Variants in CDKAL1 observed in about 807,000 individuals in gnomAD.
CDKAL1 encodes CDKAL1 threonylcarbamoyladenosine tRNA methylthiotransferase, also known as threonylcarbamoyladenosine tRNA methylthiotransferase.
A neutral mutation model predicts 68.2 loss-of-function variants in CDKAL1; 32 were observed. The observed-to-expected ratio is 0.47, with a 90% confidence interval of 0.35 to 0.63. The LOEUF is 0.63. Among genes scored for constraint, CDKAL1 ranks in the 30% least tolerant of loss-of-function variants. The pLI is 0.00. For synonymous variants in CDKAL1, 234 were observed against 244.3 expected (o/e 0.96, Z 0.39); for missense variants, 606 against 696.7 (o/e 0.87, Z 1.47).
chr6:21,161,851 T>C (rs1329837589), intron 13 of CDKAL1, among the ~76,000 whole-genome samples: 1 of 152,162 alleles, frequency 6.6e-6, no homozygotes, highest in East Asian at 1.9e-4. Context: ...GGCTCATAAT[T>C]GTTGTCATTT....
chr6:20,535,782 G>A (rs1411149167), intron 2 of CDKAL1, among the ~76,000 whole-genome samples: 4 of 151,912 alleles, frequency 2.6e-5, no homozygotes, highest in African/African-American at 9.7e-5. Flanking sequence ...TTCCCCTCTG[G>A]GTGATGTAAT....
intron 13 of CDKAL1, among the ~76,000 whole-genome samples, chr6:21,115,084 C>T (rs776799152): frequency 1.8e-4 from 27 of 152,292 alleles, no homozygotes; most frequent in Admixed American, 5.9e-4. Flanking sequence ...AAAGACTAGG[C>T]ATCTCTGTGA....
At chr6:21,183,083 C>T (rs958504548) in intron 13 of CDKAL1, among the ~76,000 whole-genome samples, 3 of 150,934 alleles carry the variant, frequency 2.0e-5, no homozygotes, top group African/African-American at 7.3e-5. Flanking sequence ...ACAGCCTTAA[C>T]TCTTTCAAGC....
At chr6:20,865,631 T>TAA (rs5874790) in intron 9 of CDKAL1, among the ~76,000 whole-genome samples, 42,682 of 150,658 alleles carry the variant, frequency 0.28, 7,166 homozygotes, top group East Asian at 0.37. Context: ...GCTGAAATTG[T>TAA]AAAAAAAAAA....
chr6:20,667,788 A>G (rs1017853490), intron 5 of CDKAL1, among the ~76,000 whole-genome samples: 1 of 152,138 alleles, frequency 6.6e-6, no homozygotes, highest in Non-Finnish European at 1.5e-5. Flanking sequence ...ATTTTAGACT[A>G]ATAGCAAAAT....
rs891563004 is a variant in CDKAL1, at chr6:21,143,325, G to GT, written c.1299+34870dup. On this transcript the variant is annotated intron_variant, in intron 13 of 15. Coordinates refer to ENST00000274695, the MANE Select transcript of CDKAL1 (RefSeq NM_017774.3). Reference sequence around the variant, plus strand: ...CTCTCAACGTTTCTCTAGTCTGTAGGTTTTTTTTCTTTTCCATGTAAGTGT... The same window carrying GT: ...CTCTCAACGTTTCTCTAGTCTGTAGGTTTTTTTTTCTTTTCCATGTAAGTGT... 3.9e-4 allele frequency among the ~76,000 whole-genome samples: 60 copies of GT among 152,070 alleles called. 1 individual carries two copies. The highest frequency in any genetic ancestry group is 1.1e-3 in the African/African-American group (45 of 41,482).
At chr6:20,883,460 G>T (rs1561855794) in intron 9 of CDKAL1, among the ~76,000 whole-genome samples, 2 of 152,126 alleles carry the variant, frequency 1.3e-5, no homozygotes, top group Admixed American at 6.5e-5. Context: ...GGATATAATG[G>T]GCTGTTCCTC....
At chr6:20,664,844 G>A (rs551055320) in intron 5 of CDKAL1, among the ~76,000 whole-genome samples, 2 of 152,176 alleles carry the variant, frequency 1.3e-5, no homozygotes, top group African/African-American at 2.4e-5. Flanking sequence ...TACCAACTTG[G>A]TAATCGGTAA....
chr6:20,931,394 A>G (rs1763452437), intron 9 of CDKAL1, among the ~76,000 whole-genome samples: 1 of 152,192 alleles, frequency 6.6e-6, no homozygotes, highest in African/African-American at 2.4e-5. Flanking sequence ...TACAAATAAG[A>G]CATAGGAGAT....
chr6:20,635,685 C>T (rs896152115), intron 4 of CDKAL1, among the ~76,000 whole-genome samples: 15 of 152,146 alleles, frequency 9.9e-5, no homozygotes, highest in Admixed American at 9.2e-4. Flanking sequence ...GTGGGTCTCC[C>T]CAGCCCTTAG....
chr6:20,823,235 G>T (rs1487194063), intron 8 of CDKAL1, among the ~76,000 whole-genome samples: 1 of 152,020 alleles, frequency 6.6e-6, no homozygotes, highest in Non-Finnish European at 1.5e-5. Flanking sequence ...GGCTTTTCTG[G>T]TTCCAGTTAT....
At chr6:20,716,220 C>T (rs186947602) in intron 5 of CDKAL1, among the ~76,000 whole-genome samples, 5 of 152,168 alleles carry the variant, frequency 3.3e-5, no homozygotes, top group African/African-American at 1.2e-4. Flanking sequence ...AACAGGATTT[C>T]AGGTTTGATA....
At chr6:20,898,477 T>G (rs1471196149) in intron 9 of CDKAL1, among the ~76,000 whole-genome samples, 1 of 150,432 alleles carries the variant, frequency 6.6e-6, no homozygotes, top group East Asian at 1.9e-4. Context: ...AGTGGCCTCC[T>G]GCTTAGGCTT....
intron 15 of CDKAL1, among the ~76,000 whole-genome samples, chr6:21,230,349 AC>A (rs1425395081): frequency 2.0e-5 from 3 of 152,110 alleles, no homozygotes; most frequent in Non-Finnish European, 2.9e-5. Flanking sequence ...TTTAGTGGAG[AC>A]GGGGTTTCAC....
intron 15 of CDKAL1, among the ~76,000 whole-genome samples, chr6:21,203,248 T>TC (rs1778763930): frequency 8.0e-6 from 1 of 124,542 alleles, no homozygotes; most frequent in Non-Finnish European, 1.7e-5. Flanking sequence ...TTTTTTTTTT[T>TC]TTTTGAGTCA....
rs1428448674 is a variant in CDKAL1 at position 20,896,994 on chromosome 6, G to T, written c.742+50816G>T. On this transcript the variant is annotated intron_variant, in intron 9 of 15. Coordinates refer to ENST00000274695, the MANE Select transcript of CDKAL1 (RefSeq NM_017774.3). ...CTGCTATTACAAAATGCCTTCGAAT[G>T]AGTATAAACAGCATGGATTTACTAC... 2.6e-5 allele frequency among the ~76,000 whole-genome samples: 4 copies of T among 152,182 alleles called. No individual in the cohort carries two copies. In the East Asian group the frequency reaches 7.7e-4, roughly 29 times the overall value.
intron 13 of CDKAL1, among the ~76,000 whole-genome samples, chr6:21,151,068 A>G (rs192238101): frequency 1.4e-4 from 21 of 152,348 alleles, no homozygotes; most frequent in Non-Finnish European, 1.5e-5. Context: ...AAAGGAGAGA[A>G]AAGGTTATAT....
At chr6:21,223,054 A>T (rs16884705) in intron 15 of CDKAL1, among the ~76,000 whole-genome samples, 10,860 of 152,188 alleles carry the variant, frequency 0.071, 1,103 homozygotes, top group African/African-American at 0.23. Context: ...TCTGCATAAC[A>T]TGCGGCTGAC....
chr6:21,173,146 C>G (rs1356888034), intron 13 of CDKAL1, among the ~76,000 whole-genome samples: 1 of 151,252 alleles, frequency 6.6e-6, no homozygotes, highest in Non-Finnish European at 1.5e-5. Flanking sequence ...CCTCCTGCAT[C>G]CCCCCCACAC....
Sources: allele counts gnomAD v4.1 joint callset (sites outside exome capture counted in the v4.1 genomes callset), GRCh38; gene constraint gnomAD v4.1.1; transcripts MANE v1.5; gene names NCBI Gene and HGNC (gene_info 2026-07-23, HGNC 2026-07-21).